The following STK33 variants were observed in gnomAD, a reference collection of about 807,000 sequenced individuals.
The protein encoded by STK33 is serine/threonine-protein kinase 33.
STK33 carries 52 observed loss-of-function variants against 58.0 expected under a neutral mutation model. The ratio of observed to expected loss-of-function variants is 0.90; its 90% CI spans 0.72 to 1.13. The LOEUF (loss-of-function observed/expected upper bound fraction) is 1.13, where lower values mean the gene tolerates loss of function less well. STK33 is among the 50% of genes most tolerant of loss of function. The probability of loss-of-function intolerance (pLI) is 0.00; values close to 1 mark genes in which losing one functional copy is unlikely to be tolerated. For synonymous variants in STK33, 215 were observed against 200.1 expected (o/e 1.07, Z -0.63); for missense variants, 630 against 604.2 (o/e 1.04, Z -0.45).
At chr11:8,589,544 C>T (rs2032264308) in intron 1 of STK33, among the ~76,000 whole-genome samples, 1 of 152,082 alleles carries the variant, frequency 6.6e-6, no homozygotes. Flanking sequence ...GAGGATTCTT[C>T]CTGAGGGTGA....
intron 14 of STK33, among the ~76,000 whole-genome samples, chr11:8,429,394 A>G (rs1376780572): frequency 2.0e-5 from 3 of 152,214 alleles, no homozygotes; most frequent in Non-Finnish European, 4.4e-5. Flanking sequence ...GTTCCAATCT[A>G]CAAAACCAGC....
At chr11:8,340,618 C>T in the STK33 span, among the ~76,000 whole-genome samples, 1 of 152,132 alleles carries the variant, frequency 6.6e-6, no homozygotes, top group African/African-American at 2.4e-5. Flanking sequence ...AGGAGCAGGA[C>T]CAGAAGCTGG....
At chr11:8,552,448 AT>A (rs1428120951) in intron 1 of STK33, among the ~76,000 whole-genome samples, 2 of 152,058 alleles carry the variant, frequency 1.3e-5, no homozygotes, top group African/African-American at 2.4e-5. Flanking sequence ...AACTTTTTAC[AT>A]TTTTTTAACT....
intron 1 of STK33, among the ~76,000 whole-genome samples, chr11:8,534,592 G>A (rs902106632): frequency 8.2e-5 from 12 of 145,856 alleles, no homozygotes; most frequent in Non-Finnish European, 1.8e-4. Context: ...GTGTGTGTGT[G>A]TGTGTGTGTC....
the STK33 span, among the ~76,000 whole-genome samples, chr11:8,344,233 CA>C: frequency 5.3e-5 from 2 of 37,878 alleles, no homozygotes; most frequent in African/African-American, 1.8e-4. Context: ...ACACACACCC[CA>C]GTTAGCTGGG....
chr11:8,400,471 A>C (rs1937639004), intron 15 of STK33, among the ~76,000 whole-genome samples: 1 of 152,222 alleles, frequency 6.6e-6, no homozygotes, highest in Non-Finnish European at 1.5e-5. Flanking sequence ...GACGTATCTC[A>C]AAATAATAAG....
chr11:8,461,248 A>G (rs917781884), intron 8 of STK33, among the ~76,000 whole-genome samples: 1 of 152,212 alleles, frequency 6.6e-6, no homozygotes, highest in East Asian at 1.9e-4. Context: ...CAAGCATTAA[A>G]CTGTCTGGAG....
intron 1 of STK33, among the ~76,000 whole-genome samples, chr11:8,575,616 T>G (rs1958126066): frequency 1.3e-5 from 2 of 152,276 alleles, no homozygotes; most frequent in South Asian, 4.1e-4. Context: ...ATGGGGTGCT[T>G]AATGCTATAG....
intron 1 of STK33, among the ~76,000 whole-genome samples, chr11:8,559,966 T>G (rs1236878894): frequency 6.6e-6 from 1 of 152,114 alleles, no homozygotes; most frequent in Non-Finnish European, 1.5e-5. Flanking sequence ...ATATATATAT[T>G]TACACCTCTT....
chr11:8,516,847 G>C (rs1952837957), intron 1 of STK33, among the ~76,000 whole-genome samples: 1 of 152,140 alleles, frequency 6.6e-6, no homozygotes, highest in Admixed American at 6.5e-5. Flanking sequence ...ACTCAAACTG[G>C]ATGGAGCCCA....
At chr11:8,446,825 G>T (rs376575615) in intron 11 of STK33, among the ~76,000 whole-genome samples, 2 of 152,196 alleles carry the variant, frequency 1.3e-5, no homozygotes, top group South Asian at 4.2e-4. Context: ...ATTCAAGATG[G>T]ATTAAAGACT....
intron 1 of STK33, among the ~76,000 whole-genome samples, chr11:8,540,966 ATCTC>A (rs58020007): frequency 0.028 from 4,033 of 143,890 alleles, 109 homozygotes; most frequent in African/African-American, 0.072. Context: ...CCATCTTACT[ATCTC>A]TCTCTCTCTC....
At chr11:8,356,398 T>G in the STK33 span, among the ~76,000 whole-genome samples, 8 of 151,958 alleles carry the variant, frequency 5.3e-5, no homozygotes, top group Non-Finnish European at 1.2e-4. Context: ...TCCTCCAAAG[T>G]GACTGGCTGA....
intron 14 of STK33, among the ~76,000 whole-genome samples, chr11:8,422,805 A>C (rs866633316): frequency 2.0e-5 from 3 of 151,522 alleles, no homozygotes; most frequent in Non-Finnish European, 4.4e-5. Context: ...TCCCTTTTCC[A>C]TATGTAAGAT....
At chr11:8,490,251 C>T (rs1950507801) in intron 1 of STK33, among the ~76,000 whole-genome samples, 1 of 152,238 alleles carries the variant, frequency 6.6e-6, no homozygotes, top group South Asian at 2.1e-4. Flanking sequence ...GCAAACGGCA[C>T]ACCAGGAGAT....
At chr11:8,443,686 T>C (rs1421589355) in intron 11 of STK33, among the ~76,000 whole-genome samples, 2 of 151,966 alleles carry the variant, frequency 1.3e-5, no homozygotes, top group Admixed American at 6.6e-5. Context: ...AAATATGTAT[T>C]CAACTTAGGA....
Position 8,413,556 on chromosome 11 carries a change from T to A in STK33, c.1283A>T (p.Tyr428Phe). ...KPSTEEKLKS[Y>F]QPWGNVPDAN... Reference sequence around the variant, plus strand: ...ATCAGGGACATTTCCCCAGGGTTGGTAACTTTTCAACTTTTCTTCAGTGGA... The same window carrying A: ...ATCAGGGACATTTCCCCAGGGTTGGAAACTTTTCAACTTTTCTTCAGTGGA... Residue 428 changes from tyrosine to phenylalanine, a missense_variant, in exon 15 of 16, where the codon TAC becomes TTC. Transcript: ENST00000687296. 6.2e-7 allele frequency: 1 copy of A among 1,614,098 alleles called. No individual in the cohort carries two copies. Among genetic ancestry groups the A allele is most frequent in the Non-Finnish European group, 8.5e-7 (1 of 1,179,962 alleles).
chr11:8,523,620 G>C (rs1315072495), intron 1 of STK33, among the ~76,000 whole-genome samples: 1 of 152,240 alleles, frequency 6.6e-6, no homozygotes, highest in African/African-American at 2.4e-5. Context: ...TCTGGGAAGT[G>C]AGGAGCATCT....
intron 2 of STK33, among the ~76,000 whole-genome samples, chr11:8,479,721 T>C (rs1462311751): frequency 6.6e-6 from 1 of 152,072 alleles, no homozygotes; most frequent in East Asian, 1.9e-4. Context: ...TGTGCTCCTG[T>C]AGTCCCAGCT....
Sources: allele counts gnomAD v4.1 joint callset (sites outside exome capture counted in the v4.1 genomes callset), GRCh38; gene constraint gnomAD v4.1.1; transcripts MANE v1.5; gene names NCBI Gene and HGNC (gene_info 2026-07-23, HGNC 2026-07-21).